The following FZD6 variants were observed in gnomAD, a reference collection of about 807,000 sequenced individuals.
FZD6 encodes frizzled class receptor 6.
In FZD6, 49 loss-of-function variants were observed where a neutral mutation model predicts 61.4. That is an observed-to-expected ratio of 0.80 (90% CI 0.63 to 1.01). The LOEUF (loss-of-function observed/expected upper bound fraction) is 1.01. Ranked by LOEUF, FZD6 falls within the 50% of genes least tolerant of loss-of-function variation. FZD6 has a pLI of 0.00. For synonymous variants in FZD6, 265 were observed against 292.2 expected, an observed-to-expected ratio of 0.91 and a Z score of 0.95; for missense variants, 724 against 848.2, an observed-to-expected ratio of 0.85 and a Z score of 1.82.
intron 4 of FZD6, among the ~76,000 whole-genome samples, chr8:103,325,879 A>G (rs1384968280): frequency 6.6e-6 from 1 of 152,174 alleles, no homozygotes; most frequent in Non-Finnish European, 1.5e-5. Context: ...ATTTGGATAT[A>G]TTTAATTTGA....
intron 2 of FZD6, among the ~76,000 whole-genome samples, chr8:103,316,082 T>C (rs1166570780): frequency 6.6e-6 from 1 of 152,216 alleles, no homozygotes; most frequent in Non-Finnish European, 1.5e-5. Context: ...ATTAAATGAA[T>C]AGTCAGTGAT....
At chr8:103,304,886 C>T (rs746990875) in intron 2 of FZD6, among the ~76,000 whole-genome samples, 1 of 152,176 alleles carries the variant, frequency 6.6e-6, no homozygotes, top group Non-Finnish European at 1.5e-5. Flanking sequence ...AAGGATCTGA[C>T]TGGGACATCT....
chr8:103,307,349 T>G (rs1051943370), intron 2 of FZD6, among the ~76,000 whole-genome samples: 1 of 152,208 alleles, frequency 6.6e-6, no homozygotes. Flanking sequence ...TATATTTCAC[T>G]GAGACTAGCT....
rs1353656806 is a variant in FZD6, at chr8:103,312,644, C to T, written c.178-5946C>T. Among the ~76,000 whole-genome samples the T allele has an allele frequency of 2.6e-5, 4 of 152,284 alleles. No individual in the cohort carries two copies. The East Asian group carries it at 7.7e-4, about 29-fold the overall frequency. On this transcript the variant is annotated intron_variant, in intron 2 of 6. Transcript: ENST00000358755. The stretch of plus-strand genomic sequence containing the variant: ...GGACATTTTGAGGAAGAACATAAAA[C>T]ATTTCAATCACAATTTTTACTTCAA...
At chr8:103,329,632 C>A (rs748486037) in intron 5 of FZD6, 23 bp from the exon 6 acceptor site, 2 of 1,558,012 alleles carry the variant, frequency 1.3e-6, no homozygotes, top group Non-Finnish European at 1.8e-6. Flanking sequence ...TTGAGTAAAT[C>A]CTCTCCTTCA....
At chr8:103,300,633 G>A (rs1003302302) in intron 2 of FZD6, among the ~76,000 whole-genome samples, 2 of 152,134 alleles carry the variant, frequency 1.3e-5, no homozygotes, top group Admixed American at 6.5e-5. Context: ...CACTGAACAT[G>A]TAATATTTAT....
chr8:103,319,405 T>A (rs925659911), intron 3 of FZD6, among the ~76,000 whole-genome samples: 1 of 152,222 alleles, frequency 6.6e-6, no homozygotes, highest in Non-Finnish European at 1.5e-5. Flanking sequence ...CATATTTTTA[T>A]GCTGAAAGCA....
Position 103,324,920 on chromosome 8 carries a change from A to T in FZD6, c.814A>T (p.Thr272Ser). The T allele has an allele frequency of 6.2e-7, 1 of 1,613,988 alleles. No homozygotes were observed. Among genetic ancestry groups the T allele is most frequent in the Non-Finnish European group, 8.5e-7 (1 of 1,179,892 alleles). Residue 272 changes from threonine to serine, a missense_variant, in exon 4 of 7, where the codon ACT becomes TCT. Physicochemically the swap from Thr to Ser is moderately conservative, Grantham distance 58. Transcript: ENST00000358755. ...AGATGAGAAGCTAGAACTTGGTGACACTGTTGTCCTAGGCTCTCAAAATAA... is the reference window on the plus strand; with the variant it reads ...AGATGAGAAGCTAGAACTTGGTGACTCTGTTGTCCTAGGCTCTCAAAATAA... ...KADEKLELGD[T>S]VVLGSQNKAC...
At chr8:103,306,171 A>G (rs1814324680) in intron 2 of FZD6, among the ~76,000 whole-genome samples, 1 of 152,174 alleles carries the variant, frequency 6.6e-6, no homozygotes, top group South Asian at 2.1e-4. Flanking sequence ...AAATTTTCTA[A>G]TGGTCCCTCA....
At chr8:103,307,868 G>C (rs1199194348) in intron 2 of FZD6, 1 of 456,096 alleles carries the variant, frequency 2.2e-6, no homozygotes, top group Non-Finnish European at 4.4e-6. Context: ...CTACAGCTAA[G>C]ATGCTGGCAC....
chr8:103,323,076 G>A (rs1814838168), intron 3 of FZD6, among the ~76,000 whole-genome samples: 1 of 152,154 alleles, frequency 6.6e-6, no homozygotes, highest in African/African-American at 2.4e-5. Flanking sequence ...GTTATAGCAT[G>A]CTATATACAG....
At position 103,325,388 on chromosome 8, in the gene FZD6, T is replaced by G; in HGVS notation, c.1282T>G (p.Leu428Val). Reference sequence around the variant, plus strand: ...CTTCAGCGGCTTGTATCTTGTGCCATTAGTGACACTTCTCGGATGTTACGT... The same window carrying G: ...CTTCAGCGGCTTGTATCTTGTGCCAGTAGTGACACTTCTCGGATGTTACGT... ...GVFSGLYLVP[L>V]VTLLGCYVYE... The change falls in exon 4 of 7, where the codon TTA becomes GTA. Residue 428 changes from leucine to valine, a missense_variant. Transcript: ENST00000358755. The G allele has an allele frequency of 1.2e-6, 2 of 1,613,608 alleles. No homozygotes were observed. The highest frequency in any genetic ancestry group is 4.5e-5 in the East Asian group (2 of 44,884).
chr8:103,325,718 C>A (rs1214623340), intron 4 of FZD6, among the ~76,000 whole-genome samples: 3 of 152,098 alleles, frequency 2.0e-5, no homozygotes, highest in African/African-American at 7.2e-5. Context: ...TTCCTTTATT[C>A]TCTGAAAAAT....
At chr8:103,324,364 C>G (rs1173144201) in intron 3 of FZD6, 117 bp from the exon 4 acceptor site, 5 of 633,144 alleles carry the variant, frequency 7.9e-6, no homozygotes, top group East Asian at 5.6e-5. Flanking sequence ...AGATTTGTAT[C>G]TCTTCCCATC....
chr8:103,325,312 T>G lies in FZD6; in HGVS notation c.1206T>G (p.His402Gln). 6.2e-7 allele frequency: 1 copy of G among 1,614,172 alleles called. No homozygotes were observed. ...ATCATGTTCGACAAGTCATACAACA[T>G]GATGGCCGGAACCAAGAAAAACTAA... ...SLNHVRQVIQ[H>Q]DGRNQEKLKK... Residue 402 changes from histidine to glutamine, a missense_variant, in exon 4 of 7, where the codon CAT becomes CAG. His to Gln is a conservative substitution (Grantham distance 24). Transcript: ENST00000358755.
rs1207747177 is a variant in FZD6, at chr8:103,330,965, CAGG to C, written c.1953-373_1953-371del. Among the ~76,000 whole-genome samples, 5 of 152,276 alleles carry C rather than the reference CAGG, an allele frequency of 3.3e-5. No homozygotes were observed. The East Asian group carries it at 5.8e-4, about 18-fold the overall frequency. Reference sequence around the variant, plus strand: ...GGCCAAGGTGGGCAGATCACAAGGTCAGGAGATCGAGACCATTCTGGCTAACAT... The same window carrying C: ...GGCCAAGGTGGGCAGATCACAAGGTCAGATCGAGACCATTCTGGCTAACAT... On this transcript the variant is annotated intron_variant, in intron 6 of 6. Transcript: ENST00000358755.
intron 2 of FZD6, chr8:103,307,926 C>T (rs537874537): frequency 6.6e-6 from 3 of 455,926 alleles, no homozygotes; most frequent in South Asian, 4.6e-5. Flanking sequence ...TCAGTGAGGA[C>T]AACTCTTGGA....
intron 2 of FZD6, among the ~76,000 whole-genome samples, chr8:103,303,361 T>A (rs567416964): frequency 5.1e-4 from 77 of 152,254 alleles, no homozygotes; most frequent in Non-Finnish European, 9.3e-4. Flanking sequence ...AAGCAATAAC[T>A]GTTTTTAGCG....
At chr8:103,299,602 TTAA>T (rs1814091801) in intron 1 of FZD6, among the ~76,000 whole-genome samples, 2 of 152,214 alleles carry the variant, frequency 1.3e-5, no homozygotes, top group Non-Finnish European at 2.9e-5. Flanking sequence ...TTTCTTGTAC[TTAA>T]TAAGCTTTCC....
Sources: allele counts gnomAD v4.1 joint callset (sites outside exome capture counted in the v4.1 genomes callset), GRCh38; gene constraint gnomAD v4.1.1; transcripts MANE v1.5; gene names NCBI Gene and HGNC (gene_info 2026-07-23, HGNC 2026-07-21).